The following COL11A1 variants were observed in gnomAD, a reference collection of about 807,000 sequenced individuals.
COL11A1 encodes the protein collagen alpha-1(XI) chain.
COL11A1 carries 74 observed loss-of-function variants against 265.2 expected under a neutral mutation model. The observed-to-expected ratio is 0.28, with a 90% CI of 0.23 to 0.34. COL11A1 has a LOEUF of 0.34. COL11A1 is among the 10% of genes least tolerant of loss of function. The probability of loss-of-function intolerance (pLI) is 1.00; values close to 1 mark genes in which losing one functional copy is unlikely to be tolerated. For missense variants in COL11A1, 2,165 were observed against 2,263.6 expected (o/e 0.96, Z 0.88); for synonymous variants, 816 against 727.6 (o/e 1.12, Z -1.96).
intron 1 of COL11A1, among the ~76,000 whole-genome samples, chr1:103,089,005 G>T (rs1269223723): frequency 1.3e-5 from 2 of 152,036 alleles, no homozygotes; most frequent in African/African-American, 4.8e-5. Context: ...ACTAGAACTG[G>T]AATAATTTTC....
At chr1:103,024,773 G>A (rs150138965) in intron 7 of COL11A1, among the ~76,000 whole-genome samples, 1 of 152,036 alleles carries the variant, frequency 6.6e-6, no homozygotes, top group African/African-American at 2.4e-5. Context: ...TTGCCTAATT[G>A]AGAGACATTT....
intron 23 of COL11A1, 131 bp downstream of exon 23, chr1:103,002,293 AGTAT>A (rs1665182647): frequency 6.8e-6 from 6 of 879,216 alleles, no homozygotes; most frequent in African/African-American, 1.7e-5. Flanking sequence ...AAAAAAGAAA[AGTAT>A]GTATTTTCCT....
At chr1:103,051,347 C>T (rs1669810453) in intron 4 of COL11A1, among the ~76,000 whole-genome samples, 1 of 152,172 alleles carries the variant, frequency 6.6e-6, no homozygotes, top group African/African-American at 2.4e-5. Context: ...AGTTTGATCT[C>T]AGACTGCTGT....
intron 1 of COL11A1, among the ~76,000 whole-genome samples, chr1:103,084,704 A>G (rs1672717226): frequency 6.6e-6 from 1 of 152,208 alleles, no homozygotes. Context: ...AATGCAGTTC[A>G]AGTATTATTT....
intron 15 of COL11A1, among the ~76,000 whole-genome samples, chr1:103,006,695 G>T (rs2101858058): frequency 6.6e-6 from 1 of 151,754 alleles, no homozygotes; most frequent in Middle Eastern, 3.4e-3. Context: ...CCGCCACTAT[G>T]CCCGGCTAAT....
At chr1:103,014,881 C>CT (rs546063659) in intron 12 of COL11A1, among the ~76,000 whole-genome samples, 237 of 151,744 alleles carry the variant, frequency 1.6e-3, no homozygotes, top group African/African-American at 5.1e-3. Context: ...ACCATTGTGA[C>CT]TTTTTTTTAA....
At chr1:103,026,148 T>C in intron 6 of COL11A1, 68 bp downstream of exon 6, 1 of 1,256,528 alleles carries the variant, frequency 8.0e-7, no homozygotes, top group Non-Finnish European at 1.2e-6. Flanking sequence ...TGAGGAACAG[T>C]CAACATAAGG....
chr1:102,978,183 T>A (rs996810322), intron 35 of COL11A1, among the ~76,000 whole-genome samples: 2 of 152,178 alleles, frequency 1.3e-5, no homozygotes, highest in African/African-American at 4.8e-5. Context: ...ACAAAGGGCA[T>A]GCTTGTTCAT....
intron 23 of COL11A1, 62 bp downstream of exon 23, chr1:103,002,366 C>T: frequency 7.3e-7 from 1 of 1,373,890 alleles, no homozygotes; most frequent in Non-Finnish European, 1.0e-6. Context: ...TGTCGATTTT[C>T]TTATAGAAAG....
intron 14 of COL11A1, among the ~76,000 whole-genome samples, chr1:103,011,849 A>C (rs796644281): frequency 1.3e-5 from 2 of 152,264 alleles, no homozygotes; most frequent in African/African-American, 4.8e-5. Context: ...TTAGACAAAA[A>C]TATTTGAAAT....
chr1:103,064,704 A>G (rs1395926878), intron 4 of COL11A1, among the ~76,000 whole-genome samples: 2 of 141,018 alleles, frequency 1.4e-5, no homozygotes, highest in African/African-American at 3.1e-5. Flanking sequence ...AAAAAAGAAA[A>G]AAAAAAAAAA....
chr1:103,057,788 A>G (rs749328115), intron 4 of COL11A1, among the ~76,000 whole-genome samples: 4 of 152,228 alleles, frequency 2.6e-5, no homozygotes, highest in Non-Finnish European at 5.9e-5. Flanking sequence ...TAAAATATTC[A>G]GTAAACCATG....
intron 41 of COL11A1, among the ~76,000 whole-genome samples, chr1:102,953,576 T>C (rs1268817408): frequency 1.3e-5 from 2 of 152,186 alleles, no homozygotes; most frequent in East Asian, 3.8e-4. Flanking sequence ...ACAATGCCTG[T>C]CAAAAAGTAT....
At chr1:103,005,652 T>C (rs1458935244) in intron 18 of COL11A1, among the ~76,000 whole-genome samples, 186 bp downstream of exon 18, 1 of 152,220 alleles carries the variant, frequency 6.6e-6, no homozygotes, top group Non-Finnish European at 1.5e-5. Flanking sequence ...CTAAAAATAT[T>C]CAAAGAACTT....
intron 4 of COL11A1, among the ~76,000 whole-genome samples, chr1:103,052,131 T>C (rs1669885143): frequency 8.9e-6 from 1 of 112,538 alleles, no homozygotes; most frequent in Admixed American, 1.0e-4. Context: ...TCTCCATTTA[T>C]TCTGCTATGG....
At chr1:103,075,088 C>T (rs1671874097) in intron 3 of COL11A1, among the ~76,000 whole-genome samples, 1 of 152,034 alleles carries the variant, frequency 6.6e-6, no homozygotes, top group South Asian at 2.1e-4. Flanking sequence ...TCACTGTGTC[C>T]TGATGAAGGT....
chr1:103,019,146 C>T (rs1305919737), intron 9 of COL11A1, among the ~76,000 whole-genome samples: 1 of 152,174 alleles, frequency 6.6e-6, no homozygotes, highest in East Asian at 1.9e-4. Flanking sequence ...AGGAAGAGTA[C>T]AGACAAAACA....
intron 2 of COL11A1, among the ~76,000 whole-genome samples, chr1:103,079,527 G>A (rs1015809083): frequency 6.6e-6 from 1 of 151,726 alleles, no homozygotes; most frequent in Admixed American, 6.6e-5. Flanking sequence ...GATCTACATT[G>A]GTCCTTACTA....
rs919959828 is a variant in COL11A1, at chr1:102,951,153, G to A, written c.3169-4197C>T. ...TGATATACCATCTTACCAAAAAATT[G>A]TATTTTCCTGAGAATTAGAAGCATG... On this transcript the variant is annotated intron_variant, in intron 41 of 66. Coordinates refer to ENST00000370096, the MANE Select transcript of COL11A1 (RefSeq NM_001854.4). Among the ~76,000 whole-genome samples, 5 of 151,992 alleles carry A rather than the reference G, an allele frequency of 3.3e-5. No homozygotes were observed. In the East Asian group the frequency reaches 9.7e-4, roughly 29 times the overall value.
Sources: allele counts gnomAD v4.1 joint callset (sites outside exome capture counted in the v4.1 genomes callset), GRCh38; gene constraint gnomAD v4.1.1; transcripts MANE v1.5; gene names NCBI Gene and HGNC (gene_info 2026-07-23, HGNC 2026-07-21).